The following MMEL1 variants were observed in gnomAD, a reference collection of about 807,000 sequenced individuals.
MMEL1 encodes the protein membrane metalloendopeptidase like 1.
A neutral mutation model predicts 117.1 loss-of-function variants in MMEL1; 98 were observed. The observed-to-expected ratio is 0.84, with a 90% CI of 0.71 to 0.99. The LOEUF (loss-of-function observed/expected upper bound fraction) is 0.99, where lower values mean the gene tolerates loss of function less well. Among genes scored for constraint, MMEL1 ranks in the 50% least tolerant of loss-of-function variants. The pLI is 0.00. For missense variants in MMEL1, 1,014 were observed against 1,049.1 expected, an observed-to-expected ratio of 0.97 and a Z score of 0.46; for synonymous variants, 390 against 415.1, an observed-to-expected ratio of 0.94 and a Z score of 0.74.
At chr1:2,604,047 G>A (rs977859876) in intron 10 of MMEL1, 74 bp from the exon 11 acceptor site, 1 of 1,585,394 alleles carries the variant, frequency 6.3e-7, no homozygotes, top group African/African-American at 1.3e-5. Flanking sequence ...GTCCCTGCCT[G>A]CTACCGGCCC....
Position 2,595,237 on chromosome 1 carries a change from G to T in MMEL1, c.1584+39C>A. Reference sequence around the variant, plus strand: ...CCAGGCAATCAGGGCCCATGTCCACGGTGTGGGGGGCAGTTTAGGGCTGGG... The same window carrying T: ...CCAGGCAATCAGGGCCCATGTCCACTGTGTGGGGGGCAGTTTAGGGCTGGG... On this transcript the variant is annotated intron_variant, in intron 16 of 23. Transcript: ENST00000378412. The surrounding 1 kb of genome is among the most constrained non-coding windows in gnomAD (Gnocchi z 4.8). 1 of 1,569,020 alleles carries T rather than the reference G, an allele frequency of 6.4e-7. No individual in the cohort carries two copies. Among genetic ancestry groups the T allele is most frequent in the Non-Finnish European group, 8.8e-7 (1 of 1,141,344 alleles).
chr1:2,631,626 A>C, intron 1 of MMEL1, among the ~76,000 whole-genome samples: 1 of 151,368 alleles, frequency 6.6e-6, no homozygotes, highest in East Asian at 1.9e-4. Context: ...CCCCTCAGCC[A>C]CCTCTCTCAG....
At chr1:2,606,392 A>C (rs759255844) in intron 7 of MMEL1, 26 bp from the exon 8 acceptor site, 1 of 1,588,334 alleles carries the variant, frequency 6.3e-7, no homozygotes. Flanking sequence ...CCCGCACTGG[A>C]GACTGGCGGG....
Position 2,590,888 on chromosome 1 carries a change from G to T in MMEL1, c.*102C>A. The stretch of plus-strand genomic sequence containing the variant: ...CCTGGCAGGCAGGCTTGGCATGGTT[G>T]GCCGGGGCGGGACGTACACTGGGTC... On this transcript the variant is annotated 3_prime_UTR_variant, in exon 24 of 24. Coordinates refer to ENST00000378412, the MANE Select transcript of MMEL1 (RefSeq NM_033467.4). The T allele has an allele frequency of 1.1e-6, 1 of 926,110 alleles. No individual in the cohort carries two copies. Among genetic ancestry groups the T allele is most frequent in the Non-Finnish European group, 1.5e-6 (1 of 680,888 alleles). 57.4% of individuals were successfully genotyped at this position (926,110 alleles called of 1,614,324 possible). A position where few individuals can be genotyped will look rare whatever the true frequency, so the allele number is the denominator to read the frequency against.
Sources: allele counts gnomAD v4.1 joint callset (sites outside exome capture counted in the v4.1 genomes callset), GRCh38; gene constraint gnomAD v4.1.1; non-coding constraint Gnocchi (gnomAD v3.1); transcripts MANE v1.5; gene names NCBI Gene and HGNC (gene_info 2026-07-23, HGNC 2026-07-21).